MAML3: variants seen among roughly 807,000 people sequenced by gnomAD.
The protein encoded by MAML3 is mastermind like transcriptional coactivator 3.
MAML3 carries 27 observed loss-of-function variants against 101.9 expected under a neutral mutation model. The observed-to-expected ratio is 0.27, with a 90% CI of 0.20 to 0.37. The LOEUF is 0.37. MAML3 is among the 10% of genes least tolerant of loss of function. The pLI, the probability that MAML3 is intolerant of heterozygous loss-of-function variation, is 1.00. For synonymous variants in MAML3, 501 were observed against 555.9 expected (o/e 0.90, Z 1.39); for missense variants, 1,316 against 1,444.9 (o/e 0.91, Z 1.45).
intron 2 of MAML3, among the ~76,000 whole-genome samples, chr4:139,751,545 T>G (rs34402309): frequency 0.015 from 2,323 of 152,342 alleles, 25 homozygotes; most frequent in Middle Eastern, 0.082. Context: ...TGTGGTATCA[T>G]GTCAGCGCTC....
At chr4:140,013,485 T>A (rs1240351027) in intron 1 of MAML3, among the ~76,000 whole-genome samples, 1 of 152,248 alleles carries the variant, frequency 6.6e-6, no homozygotes, top group Non-Finnish European at 1.5e-5. Context: ...TCTGACATGA[T>A]ACCACACTGT....
At chr4:139,907,864 C>T (rs1353410974) in intron 1 of MAML3, among the ~76,000 whole-genome samples, 4 of 152,106 alleles carry the variant, frequency 2.6e-5, no homozygotes, top group Non-Finnish European at 4.4e-5. Context: ...TTTGAGTAAA[C>T]GGCCTTAAGT....
At chr4:139,852,403 G>GTTTTTTTTTTTTTTTGTTTT (rs1731573310) in intron 2 of MAML3, among the ~76,000 whole-genome samples, 2 of 68,326 alleles carry the variant, frequency 2.9e-5, no homozygotes, top group African/African-American at 1.3e-4. Context: ...TCAGAAGACT[G>GTTTTTTTTTTTTTTTGTTTT]TTTTTTTTTT....
intron 1 of MAML3, among the ~76,000 whole-genome samples, chr4:140,072,780 G>T (rs1446249868): frequency 1.3e-5 from 2 of 152,150 alleles, no homozygotes; most frequent in African/African-American, 4.8e-5. Context: ...TCTGTCAGGG[G>T]GTCCTGTAGC....
At position 139,725,789 on chromosome 4, in the gene MAML3, C is replaced by G. The variant is rs375746627; in HGVS notation, c.2378G>C (p.Arg793Pro). Residue 793 changes from arginine to proline, a missense_variant, in exon 4 of 5, where the codon CGG becomes CCG. Physicochemically the swap from Arg to Pro is moderately radical, Grantham distance 103. Coordinates refer to ENST00000509479, the MANE Select transcript of MAML3 (RefSeq NM_018717.5). ...GACCTGCTGCACTGGGTATGGATTC[C>G]GCTGTGGCTGGAGGTGCTGCCGGGG... is the stretch of plus-strand genomic sequence containing the variant. ...HLPRQHLQPQ[R>P]NPYPVQQVNQ... is the part of the protein sequence containing the mutation. 1 of 1,613,920 alleles carries G rather than the reference C, an allele frequency of 6.2e-7. No individual in the cohort carries two copies. The highest frequency in any genetic ancestry group is 8.5e-7 in the Non-Finnish European group (1 of 1,179,866).
intron 2 of MAML3, among the ~76,000 whole-genome samples, chr4:139,751,123 G>A (rs940214028): frequency 1.3e-5 from 2 of 152,162 alleles, no homozygotes; most frequent in Admixed American, 1.3e-4. Flanking sequence ...GTCACCCATA[G>A]GTATTTTCCA....
At chr4:140,084,581 C>T (rs1351642366) in intron 1 of MAML3, among the ~76,000 whole-genome samples, 1 of 152,062 alleles carries the variant, frequency 6.6e-6, no homozygotes, top group Non-Finnish European at 1.5e-5. Context: ...CAGATTTCCC[C>T]ATTACCTCCT....
intron 1 of MAML3, among the ~76,000 whole-genome samples, chr4:140,122,617 C>T (rs1191776633): frequency 1.3e-5 from 2 of 151,454 alleles, no homozygotes; most frequent in African/African-American, 4.9e-5. Context: ...ACGGTGAAAC[C>T]CCGTCTCTAC....
chr4:139,853,865 A>G (rs529978133), intron 2 of MAML3, among the ~76,000 whole-genome samples: 9 of 151,368 alleles, frequency 5.9e-5, no homozygotes, highest in Non-Finnish European at 1.3e-4. Flanking sequence ...TCTGTCTCCT[A>G]GGCTGGACTG....
intron 2 of MAML3, among the ~76,000 whole-genome samples, chr4:139,859,229 T>G (rs1005985101): frequency 1.2e-4 from 15 of 127,204 alleles, no homozygotes; most frequent in Admixed American, 1.1e-3. Flanking sequence ...TCTACTACAT[T>G]TTTTTTTTTT....
At chr4:140,057,191 G>C (rs1432940505) in intron 1 of MAML3, among the ~76,000 whole-genome samples, 1 of 152,152 alleles carries the variant, frequency 6.6e-6, no homozygotes, top group Non-Finnish European at 1.5e-5. Flanking sequence ...TGGGAGGATC[G>C]CTTGAGCTCA....
intron 1 of MAML3, among the ~76,000 whole-genome samples, chr4:140,112,967 A>G (rs900929761): frequency 2.6e-5 from 4 of 152,228 alleles, no homozygotes; most frequent in East Asian, 3.8e-4. Context: ...CCTGAAGTCT[A>G]TAATATTTTA....
chr4:140,074,469 T>C (rs1727733762), intron 1 of MAML3, among the ~76,000 whole-genome samples: 1 of 152,152 alleles, frequency 6.6e-6, no homozygotes, highest in Non-Finnish European at 1.5e-5. Flanking sequence ...ATCTAAAATC[T>C]GAAATGCTCC....
intron 1 of MAML3, among the ~76,000 whole-genome samples, chr4:139,974,894 T>A (rs1734300531): frequency 6.6e-6 from 1 of 152,082 alleles, no homozygotes; most frequent in South Asian, 2.1e-4. Context: ...AGGTGGTCAC[T>A]GTTTACTAAG....
intron 1 of MAML3, among the ~76,000 whole-genome samples, chr4:139,937,906 A>G (rs1193889200): frequency 6.6e-6 from 1 of 152,092 alleles, no homozygotes; most frequent in Non-Finnish European, 1.5e-5. Context: ...AGACTTCAAA[A>G]TTTTACAAAC....
chr4:139,938,363 T>C (rs1214489924), intron 1 of MAML3, among the ~76,000 whole-genome samples: 2 of 151,854 alleles, frequency 1.3e-5, no homozygotes, highest in Admixed American at 6.6e-5. Context: ...AGATCCAGAG[T>C]CATGAAGTGA....
At chr4:139,960,386 C>T (rs542526329) in intron 1 of MAML3, among the ~76,000 whole-genome samples, 22 of 152,280 alleles carry the variant, frequency 1.4e-4, no homozygotes, top group African/African-American at 5.1e-4. Flanking sequence ...TTGGACAAAG[C>T]TCTTCCCATG....
intron 1 of MAML3, among the ~76,000 whole-genome samples, chr4:139,965,197 CT>C (rs145070904): frequency 0.05 from 7,272 of 144,430 alleles, 557 homozygotes; most frequent in African/African-American, 0.16. Context: ...TAACTCCCTG[CT>C]AGTTTTTTTT....
intron 1 of MAML3, among the ~76,000 whole-genome samples, chr4:139,991,360 T>C (rs1281969799): frequency 6.6e-6 from 1 of 152,168 alleles, no homozygotes; most frequent in Non-Finnish European, 1.5e-5. Flanking sequence ...TGTAGAAAGC[T>C]GAAACTGGAT....
Sources: allele counts gnomAD v4.1 joint callset (sites outside exome capture counted in the v4.1 genomes callset), GRCh38; gene constraint gnomAD v4.1.1; transcripts MANE v1.5; gene names NCBI Gene and HGNC (gene_info 2026-07-23, HGNC 2026-07-21).